Variants in GNG4 observed in about 807,000 individuals in gnomAD.
GNG4 encodes the protein G protein subunit gamma 4, also known as guanine nucleotide-binding protein G(I)/G(S)/G(O) subunit gamma-4.
In GNG4, 4 loss-of-function variants were observed where a neutral mutation model predicts 5.8. The ratio of observed to expected loss-of-function variants is 0.69; its 90% confidence interval spans 0.34 to 1.57. The LOEUF (loss-of-function observed/expected upper bound fraction) is 1.57. Among genes scored for constraint, GNG4 ranks in the 40% most tolerant of loss-of-function variants. GNG4 has a pLI of 0.06. For synonymous variants in GNG4, 29 were observed against 32.9 expected (o/e 0.88, Z 0.41); for missense variants, 96 against 95.1 (o/e 1.01, Z -0.04).
At chr1:235,599,651 G>A (rs1056127721) in intron 1 of GNG4, among the ~76,000 whole-genome samples, 3 of 152,154 alleles carry the variant, frequency 2.0e-5, no homozygotes, top group East Asian at 1.9e-4. Flanking sequence ...TCAGGTTTAC[G>A]TTAGAGTTTG....
intron 1 of GNG4, among the ~76,000 whole-genome samples, chr1:235,630,587 C>T (rs533689396): frequency 2.0e-5 from 3 of 152,294 alleles, no homozygotes; most frequent in East Asian, 1.9e-4. Context: ...GGAGCAGGGT[C>T]GCCTGTCATA....
At position 235,583,732 on chromosome 1, in the gene GNG4, A is replaced by G. The variant is rs373176349; in HGVS notation, c.99+8T>C. On this transcript the variant is annotated splice_region_variant and intron_variant, in intron 3 of 3. Coordinates refer to ENST00000391854, the MANE Select transcript of GNG4 (RefSeq NM_001098722.2). ...GGCGGAGGGTGGGGCTGACGCATGC[A>G]TGCTTACCTTGACCCTGTCCATACA... 1.6e-5 allele frequency: 26 copies of G among 1,586,394 alleles called. No individual in the cohort carries two copies. Among genetic ancestry groups the G allele is most frequent in the African/African-American group, 6.7e-5 (5 of 74,414 alleles).
chr1:235,583,988 T>C (rs1031490295), intron 2 of GNG4, 140 bp from the exon 3 acceptor site: 13 of 500,378 alleles, frequency 2.6e-5, no homozygotes, highest in Non-Finnish European at 3.6e-5. Flanking sequence ...AAAACCCTCC[T>C]GGGATAAGAG....
intron 1 of GNG4, among the ~76,000 whole-genome samples, chr1:235,643,699 G>A (rs1472829049): frequency 6.6e-6 from 1 of 152,208 alleles, no homozygotes; most frequent in Non-Finnish European, 1.5e-5. Flanking sequence ...GGAATGTGGC[G>A]GGGAGCAGTA....
chr1:235,596,985 A>G (rs1305622887), intron 1 of GNG4, among the ~76,000 whole-genome samples: 1 of 151,522 alleles, frequency 6.6e-6, no homozygotes, highest in Non-Finnish European at 1.5e-5. Context: ...CCTCCCACCT[A>G]CGGCCTCCCA....
chr1:235,587,477 A>G (rs866141958), intron 2 of GNG4, among the ~76,000 whole-genome samples: 3 of 1,456 alleles, frequency 2.1e-3, no homozygotes, highest in Admixed American at 7.9e-3. Flanking sequence ...GGTGAGTGTG[A>G]GAGTGTGGAT....
At chr1:235,561,297 C>G (rs780812654) in intron 3 of GNG4, among the ~76,000 whole-genome samples, 1 of 152,200 alleles carries the variant, frequency 6.6e-6, no homozygotes, top group Non-Finnish European at 1.5e-5. Flanking sequence ...GTGTGAGCCA[C>G]CGCGCCCGGC....
At chr1:235,597,588 C>CTGTG (rs386417904) in intron 1 of GNG4, among the ~76,000 whole-genome samples, 1,538 of 74,136 alleles carry the variant, frequency 0.021, 53 homozygotes, top group African/African-American at 0.067. Context: ...AACTTGTTTG[C>CTGTG]TGTGTGTGTG....
Position 235,649,133 on chromosome 1 carries a change from G to A in GNG4, c.-123+529C>T, listed in dbSNP as rs1406648932. On this transcript the variant is annotated intron_variant, in intron 1 of 3. Coordinates refer to ENST00000391854, the MANE Select transcript of GNG4 (RefSeq NM_001098722.2). The surrounding 1 kb of genome is among the most constrained non-coding windows in gnomAD (Gnocchi z 5.7). ...AGGAAAACCACCCTCAGCTGCGGTG[G>A]CTCCAGCGTCACCCCGAGTGCTCCC... Among the ~76,000 whole-genome samples, 1 of 152,192 alleles carries A rather than the reference G, an allele frequency of 6.6e-6. No homozygotes were observed. Among genetic ancestry groups the A allele is most frequent in the Non-Finnish European group, 1.5e-5 (1 of 68,034 alleles).
intron 2 of GNG4, among the ~76,000 whole-genome samples, chr1:235,594,033 T>C (rs1455728234): frequency 6.6e-6 from 1 of 152,122 alleles, no homozygotes; most frequent in African/African-American, 2.4e-5. Flanking sequence ...GATTGGTCTG[T>C]TTTACAGAGA....
chr1:235,596,154 A>T (rs918820774), intron 1 of GNG4, among the ~76,000 whole-genome samples: 1 of 150,812 alleles, frequency 6.6e-6, no homozygotes, highest in Non-Finnish European at 1.5e-5. Flanking sequence ...AGCCTGGGTG[A>T]CAGAGCGAGA....
intron 1 of GNG4, among the ~76,000 whole-genome samples, chr1:235,647,780 G>A (rs576830318): frequency 1.6e-4 from 25 of 152,238 alleles, no homozygotes; most frequent in South Asian, 1.0e-3. Flanking sequence ...GATTACAGGC[G>A]TGCACCACCA....
chr1:235,558,234 C>G (rs1386913204), intron 3 of GNG4, among the ~76,000 whole-genome samples: 1 of 152,146 alleles, frequency 6.6e-6, no homozygotes, highest in East Asian at 1.9e-4. Context: ...CTCAGAATTA[C>G]TGAAATGTAA....
At chr1:235,598,223 T>C (rs1266649538) in intron 1 of GNG4, among the ~76,000 whole-genome samples, 2 of 152,144 alleles carry the variant, frequency 1.3e-5, no homozygotes, top group Non-Finnish European at 1.5e-5. Context: ...CTGTCTTAGC[T>C]CTCTTGGAGA....
At chr1:235,613,835 T>C (rs774109512) in intron 1 of GNG4, among the ~76,000 whole-genome samples, 1 of 152,196 alleles carries the variant, frequency 6.6e-6, no homozygotes, top group Non-Finnish European at 1.5e-5. Context: ...TGGGTTCTCA[T>C]GCAGCAGAGG....
At position 235,593,860 on chromosome 1, in the gene GNG4, G is replaced by C. The variant is rs1001583033; in HGVS notation, c.-11+1540C>G. 3.9e-5 allele frequency among the ~76,000 whole-genome samples: 6 copies of C among 152,210 alleles called. No individual in the cohort carries two copies. The East Asian group carries it at 1.2e-3, about 29-fold the overall frequency. ...AGCTCATAAAGGCAGTGGGGGCCCA[G>C]AGTGAGCAGCAGCAGAATTTGTTGC... On this transcript the variant is annotated intron_variant, in intron 2 of 3. Transcript: ENST00000391854.
intron 1 of GNG4, among the ~76,000 whole-genome samples, chr1:235,601,521 C>T (rs1370190697): frequency 6.6e-6 from 1 of 152,166 alleles, no homozygotes; most frequent in Non-Finnish European, 1.5e-5. Context: ...CTTGCCCGCC[C>T]TCAAAGAGCT....
chr1:235,563,813 A>C (rs1687128843), intron 3 of GNG4, among the ~76,000 whole-genome samples: 1 of 152,184 alleles, frequency 6.6e-6, no homozygotes, highest in Admixed American at 6.5e-5. Flanking sequence ...TAGAAGGTTG[A>C]GTTCCTGGCT....
At chr1:235,568,775 C>A (rs1200414496) in intron 3 of GNG4, among the ~76,000 whole-genome samples, 1 of 147,118 alleles carries the variant, frequency 6.8e-6, no homozygotes, top group African/African-American at 2.5e-5. Context: ...AACTCTGGAC[C>A]TCTTTTCTTT....
Sources: gnomAD v4.1 joint callset for allele counts (sites outside exome capture counted in the v4.1 genomes callset) on GRCh38, gnomAD v4.1.1 for gene constraint, Gnocchi (gnomAD v3.1) non-coding constraint, MANE v1.5 for transcripts, NCBI Gene and HGNC (gene_info 2026-07-23, HGNC 2026-07-21) for gene names.